RGS7BP: variants seen among roughly 807,000 people sequenced by gnomAD.
The protein encoded by RGS7BP is regulator of G protein signaling 7 binding protein.
In RGS7BP, 9 loss-of-function variants were observed where a neutral mutation model predicts 31.3. That is an observed-to-expected ratio of 0.29 (90% confidence interval 0.17 to 0.50). The LOEUF (loss-of-function observed/expected upper bound fraction) is 0.50, where lower values mean the gene tolerates loss of function less well. RGS7BP is among the 20% of genes least tolerant of loss of function. The probability of loss-of-function intolerance (pLI) is 0.98; values close to 1 mark genes in which losing one functional copy is unlikely to be tolerated. For synonymous variants in RGS7BP, 115 were observed against 120.1 expected, an observed-to-expected ratio of 0.96 and a Z score of 0.28; for missense variants, 274 against 322.0, an observed-to-expected ratio of 0.85 and a Z score of 1.14.
chr5:64,520,099 T>C (rs1749070379), intron 2 of RGS7BP, among the ~76,000 whole-genome samples: 1 of 152,320 alleles, frequency 6.6e-6, no homozygotes, highest in East Asian at 1.9e-4. Flanking sequence ...AAAATCTCCA[T>C]TTTATAGTGA....
chr5:64,575,673 G>C (rs1437400683), intron 2 of RGS7BP, 101 bp from the exon 3 acceptor site: 1 of 1,467,300 alleles, frequency 6.8e-7, no homozygotes, highest in Non-Finnish European at 9.0e-7. Context: ...AAGGCTTTAA[G>C]GAATCTTTAT....
chr5:64,563,819 A>T (rs1272643440), intron 2 of RGS7BP, among the ~76,000 whole-genome samples: 3 of 152,232 alleles, frequency 2.0e-5, no homozygotes, highest in Non-Finnish European at 4.4e-5. Context: ...GGAGTTTCAA[A>T]AATAAGTCTG....
chr5:64,508,027 A>C, intron 2 of RGS7BP, 150 bp downstream of exon 2: 1 of 604,240 alleles, frequency 1.7e-6, no homozygotes, highest in Non-Finnish European at 2.9e-6. Context: ...TACACAAACT[A>C]TAGGCCAAAC....
intron 5 of RGS7BP, among the ~76,000 whole-genome samples, chr5:64,605,992 T>C (rs1451798501): frequency 7.1e-6 from 1 of 140,994 alleles, no homozygotes; most frequent in Admixed American, 7.0e-5. Flanking sequence ...GATACATATA[T>C]ATATGCTATA....
intron 2 of RGS7BP, among the ~76,000 whole-genome samples, chr5:64,537,206 T>C (rs941760837): frequency 2.0e-5 from 3 of 152,204 alleles, no homozygotes; most frequent in Admixed American, 6.5e-5. Flanking sequence ...TGGGCCATGT[T>C]GAAAGAATTC....
intron 2 of RGS7BP, among the ~76,000 whole-genome samples, chr5:64,517,144 A>G (rs1006205963): frequency 1.3e-5 from 2 of 152,146 alleles, no homozygotes; most frequent in African/African-American, 4.8e-5. Context: ...TTATGAGGCA[A>G]GATGAGCACA....
chr5:64,600,210 C>G (rs1003646824), intron 5 of RGS7BP, among the ~76,000 whole-genome samples: 2 of 152,146 alleles, frequency 1.3e-5, no homozygotes, highest in Non-Finnish European at 2.9e-5. Flanking sequence ...ATCAGTAGCA[C>G]GCTGGCCTCT....
intron 5 of RGS7BP, among the ~76,000 whole-genome samples, chr5:64,600,564 G>A (rs1360114452): frequency 6.6e-6 from 1 of 152,070 alleles, no homozygotes; most frequent in Non-Finnish European, 1.5e-5. Flanking sequence ...GAGTGAAAAG[G>A]GAATAGTCAT....
intron 2 of RGS7BP, among the ~76,000 whole-genome samples, chr5:64,575,303 A>T (rs1220186979): frequency 2.0e-5 from 3 of 152,168 alleles, no homozygotes; most frequent in African/African-American, 7.2e-5. Flanking sequence ...GAGACAAAAA[A>T]CCTTGATAAA....
At chr5:64,523,031 C>T (rs915571453) in intron 2 of RGS7BP, among the ~76,000 whole-genome samples, 7 of 152,044 alleles carry the variant, frequency 4.6e-5, no homozygotes, top group African/African-American at 1.4e-4. Flanking sequence ...GAAGGAGGGC[C>T]GAACCAGTTC....
intron 3 of RGS7BP, among the ~76,000 whole-genome samples, chr5:64,586,541 C>A (rs1399648967): frequency 2.6e-5 from 4 of 152,202 alleles, no homozygotes; most frequent in Non-Finnish European, 4.4e-5. Context: ...CCTGACCCTC[C>A]AAGCCTGGGC....
intron 2 of RGS7BP, among the ~76,000 whole-genome samples, chr5:64,544,374 G>C (rs1741596103): frequency 6.6e-6 from 1 of 152,046 alleles, no homozygotes; most frequent in South Asian, 2.1e-4. Flanking sequence ...TCTAAGATGA[G>C]ACTTGAAGAT....
At chr5:64,585,377 T>C (rs1742715435) in intron 3 of RGS7BP, among the ~76,000 whole-genome samples, 1 of 151,992 alleles carries the variant, frequency 6.6e-6, no homozygotes, top group Non-Finnish European at 1.5e-5. Flanking sequence ...AGATATTATC[T>C]ATGGCAGTGC....
At chr5:64,579,916 A>G (rs1742543918) in intron 3 of RGS7BP, among the ~76,000 whole-genome samples, 1 of 152,186 alleles carries the variant, frequency 6.6e-6, no homozygotes, top group African/African-American at 2.4e-5. Flanking sequence ...GCTAATTCAT[A>G]TTCCCACCAT....
chr5:64,596,624 T>C (rs1335070489), intron 4 of RGS7BP, among the ~76,000 whole-genome samples: 1 of 152,134 alleles, frequency 6.6e-6, no homozygotes, highest in Non-Finnish European at 1.5e-5. Flanking sequence ...CACACTTCCT[T>C]TCTCCTGCCC....
chr5:64,594,489 C>T (rs1289815613), intron 3 of RGS7BP, among the ~76,000 whole-genome samples: 1 of 152,174 alleles, frequency 6.6e-6, no homozygotes, highest in Non-Finnish European at 1.5e-5. Context: ...GCATTGACCT[C>T]AAACTGTCTT....
chr5:64,539,323 ATT>A (rs920632868), intron 2 of RGS7BP, among the ~76,000 whole-genome samples: 1 of 151,904 alleles, frequency 6.6e-6, no homozygotes, highest in Non-Finnish European at 1.5e-5. Context: ...TGAGATTTGT[ATT>A]TTCATTTTCT....
intron 2 of RGS7BP, among the ~76,000 whole-genome samples, chr5:64,551,772 T>G (rs1321870803): frequency 6.6e-6 from 1 of 152,208 alleles, no homozygotes; most frequent in Non-Finnish European, 1.5e-5. Flanking sequence ...TATTAATAAT[T>G]ACTTTGTCCA....
At chr5:64,556,419 AC>A (rs1741926811) in intron 2 of RGS7BP, among the ~76,000 whole-genome samples, 129 of 34,802 alleles carry the variant, frequency 3.7e-3, no homozygotes, top group African/African-American at 0.019. Flanking sequence ...TTCCCCAGCC[AC>A]ACACACACAC....
Sources: gnomAD v4.1 joint callset for allele counts (sites outside exome capture counted in the v4.1 genomes callset) on GRCh38, gnomAD v4.1.1 for gene constraint, MANE v1.5 for transcripts, NCBI Gene and HGNC (gene_info 2026-07-23, HGNC 2026-07-21) for gene names.